The following AMDHD1 variants were observed in gnomAD, a reference collection of about 807,000 sequenced individuals.
AMDHD1 encodes amidohydrolase domain containing 1, also known as probable imidazolonepropionase.
In AMDHD1, 45 loss-of-function variants were observed where a neutral mutation model predicts 44.1. The observed-to-expected ratio is 1.02, with a 90% CI of 0.80 to 1.31. AMDHD1 has a LOEUF of 1.31. Among genes scored for constraint, AMDHD1 ranks in the 50% most tolerant of loss-of-function variants. The pLI is 0.00. For synonymous variants in AMDHD1, 206 were observed against 205.0 expected (o/e 1.00, Z -0.04); for missense variants, 586 against 552.1 (o/e 1.06, Z -0.61).
chr12:95,958,318 T>C (rs1336892970), intron 4 of AMDHD1, among the ~76,000 whole-genome samples: 1 of 152,144 alleles, frequency 6.6e-6, no homozygotes, highest in Non-Finnish European at 1.5e-5. Flanking sequence ...TAACTTCATG[T>C]TATCTTCAAT....
In AMDHD1 at chr12:95,965,156, G is replaced by C. The variant is rs1468850687; in HGVS notation, c.939-530G>C. On this transcript the variant is annotated intron_variant, in intron 6 of 8. Coordinates refer to ENST00000266736, the MANE Select transcript of AMDHD1 (RefSeq NM_152435.3). ...TCTACTAAAAATATAAAAATTACCT[G>C]GGCGTGGTGGTGGGTGCCTGTAGTC... Among the ~76,000 whole-genome samples, 3 of 151,822 alleles carry C rather than the reference G, an allele frequency of 2.0e-5. No homozygotes were observed. In the East Asian group the frequency reaches 5.8e-4, roughly 29 times the overall value.
intron 4 of AMDHD1, among the ~76,000 whole-genome samples, chr12:95,959,749 A>G (rs1393944609): frequency 6.8e-6 from 1 of 146,354 alleles, no homozygotes; most frequent in Admixed American, 6.9e-5. Context: ...CAGGGGGAGT[A>G]TCCAGGATGC....
At position 95,960,526 on chromosome 12, in the gene AMDHD1, A is replaced by C. The variant is rs1038430859; in HGVS notation, c.716A>C (p.Asp239Ala). 1.9e-6 allele frequency: 3 copies of C among 1,614,234 alleles called. No homozygotes were observed. In the East Asian group the frequency reaches 6.7e-5, roughly 36 times the overall value. Residue 239 changes from aspartate (D) to alanine (A), a missense_variant, in exon 5 of 9, where the codon GAT (aspartate) becomes GCT (alanine). Asp to Ala is a moderately radical substitution (Grantham distance 126). Transcript: ENST00000266736. ...GTATTTTGTGAGAAAGGTGTCTTTG[A>C]TCTCGATTCCACCAGAAGGATTCTT... Reference protein sequence around the residue: ...IDVFCEKGVFDLDSTRRILQR... With the variant: ...IDVFCEKGVFALDSTRRILQR...
chr12:95,955,903 T>G (rs1288260064), intron 3 of AMDHD1, among the ~76,000 whole-genome samples: 1 of 152,098 alleles, frequency 6.6e-6, no homozygotes, highest in African/African-American at 2.4e-5. Flanking sequence ...GGCCAAATAT[T>G]GAGACAAGGA....
At chr12:95,966,987 AT>A (rs2080614382) in intron 8 of AMDHD1, among the ~76,000 whole-genome samples, 3 of 152,344 alleles carry the variant, frequency 2.0e-5, no homozygotes, top group African/African-American at 7.2e-5. Flanking sequence ...CTCCAGTGTA[AT>A]ATTAGTCTGT....
chr12:95,943,468 C>G lies in AMDHD1; in HGVS notation c.70C>G (p.Arg24Gly), dbSNP rs921468506. ...QVVLVCARGE[R>G]FLARDALRSL... Reference sequence around the variant, plus strand: ...GGTGCTGGTGTGCGCCCGCGGCGAGCGCTTCCTGGCGCGGGATGCGCTGCG... The same window carrying G: ...GGTGCTGGTGTGCGCCCGCGGCGAGGGCTTCCTGGCGCGGGATGCGCTGCG... The change falls in exon 1 of 9, where the codon CGC (arginine) becomes GGC (glycine). Residue 24 changes from arginine to glycine, a missense_variant. Transcript: ENST00000266736. 5.3e-5 allele frequency: 80 copies of G among 1,503,838 alleles called. No individual in the cohort carries two copies. The highest frequency in any genetic ancestry group is 6.5e-5 in the Non-Finnish European group (73 of 1,131,082). The allele number at this position is 1,503,838 out of a possible 1,614,324, so 93.2% of individuals were successfully genotyped here. A position where few individuals can be genotyped will look rare whatever the true frequency, so the allele number is the denominator to read the frequency against.
intron 1 of AMDHD1, among the ~76,000 whole-genome samples, chr12:95,945,513 T>C (rs113683658): frequency 1.5e-3 from 235 of 152,350 alleles, no homozygotes; most frequent in African/African-American, 5.3e-3. Context: ...CTTTGAAATA[T>C]ATCTCCCACC....
intron 1 of AMDHD1, among the ~76,000 whole-genome samples, chr12:95,944,183 G>T (rs1016150292): frequency 8.5e-5 from 13 of 152,106 alleles, no homozygotes; most frequent in Admixed American, 2.6e-4. Context: ...AGCAAGGGAA[G>T]TTGGATGAGA....
chr12:95,951,792 A>G (rs1456442883), intron 1 of AMDHD1, among the ~76,000 whole-genome samples: 1 of 152,050 alleles, frequency 6.6e-6, no homozygotes, highest in Non-Finnish European at 1.5e-5. Context: ...GGGTAAGATG[A>G]TCTCTCATTG....
intron 6 of AMDHD1, among the ~76,000 whole-genome samples, chr12:95,963,119 A>C (rs936033828): frequency 2.0e-5 from 3 of 152,192 alleles, no homozygotes; most frequent in Non-Finnish European, 4.4e-5. Context: ...TATGATATCC[A>C]AGATTGTGGT....
chr12:95,943,495 A>G lies in AMDHD1; in HGVS notation c.97A>G (p.Ser33Gly). The G allele has an allele frequency of 6.7e-7, 1 of 1,498,576 alleles. No individual in the cohort carries two copies. The allele number at this position is 1,498,576 out of a possible 1,614,324, so 92.8% of individuals were successfully genotyped here. Residue 33 changes from serine to glycine, a missense_variant, in exon 1 of 9, where the codon AGC becomes GGC. By Grantham distance (56) the Ser-to-Gly change is moderately conservative. Coordinates refer to ENST00000266736, the MANE Select transcript of AMDHD1 (RefSeq NM_152435.3). ...ERFLARDALR[S>G]LAVLEGASLV... ...CTTCCTGGCGCGGGATGCGCTGCGCAGCCTGGCGGTGCTGGAAGGCGCCAG... is the reference window on the plus strand; with the variant it reads ...CTTCCTGGCGCGGGATGCGCTGCGCGGCCTGGCGGTGCTGGAAGGCGCCAG...
At chr12:95,965,928 A>C in intron 7 of AMDHD1, 149 bp downstream of exon 7, 1 of 585,320 alleles carries the variant, frequency 1.7e-6, no homozygotes, top group Non-Finnish European at 2.8e-6. Flanking sequence ...ACAGCAGTGT[A>C]ATTGGATTTT....
At chr12:95,964,426 T>C (rs759539886) in intron 6 of AMDHD1, among the ~76,000 whole-genome samples, 11 of 152,210 alleles carry the variant, frequency 7.2e-5, no homozygotes, top group Non-Finnish European at 1.6e-4. Flanking sequence ...TATTTAAATG[T>C]ATTCAGGAAA....
chr12:95,962,138 C>CGGT (rs2080585366), intron 5 of AMDHD1, among the ~76,000 whole-genome samples: 1 of 152,174 alleles, frequency 6.6e-6, no homozygotes, highest in Non-Finnish European at 1.5e-5. Flanking sequence ...TGGTGGCACA[C>CGGT]GCCTGTGGCC....
chr12:95,966,524 C>CT lies in AMDHD1; in HGVS notation c.1193+18dup. 1 of 1,613,970 alleles carries CT rather than the reference C, an allele frequency of 6.2e-7. No homozygotes were observed. The highest frequency in any genetic ancestry group is 8.5e-7 in the Non-Finnish European group (1 of 1,179,982). Reference sequence around the variant, plus strand: ...ATTCATCCCGGTGAGTGTGCTTCAACTTAGCTCTTTTATATTATGCCCACT... The same window carrying CT: ...ATTCATCCCGGTGAGTGTGCTTCAACTTTAGCTCTTTTATATTATGCCCACT... On this transcript the variant is annotated intron_variant, in intron 8 of 8. Transcript: ENST00000266736.
chr12:95,956,899 G>A lies in AMDHD1; in HGVS notation c.524G>A (p.Arg175His), dbSNP rs1178699284. Residue 175 changes from arginine (R) to histidine (H), a missense_variant, in exon 4 of 9, where the codon CGC (arginine) becomes CAC (histidine). Transcript: ENST00000266736. ...CTCAAGATGCTGCGCGTGATTGAGC[G>A]CGCCCGGCGGGAGCTGGACATCGGC... is the stretch of plus-strand genomic sequence containing the variant. Reference protein sequence around the residue: ...TELKMLRVIERARRELDIGIS... With the variant: ...TELKMLRVIEHARRELDIGIS... The A allele has an allele frequency of 2.5e-6, 4 of 1,613,444 alleles. No homozygotes were observed. The highest frequency in any genetic ancestry group is 3.4e-6 in the Non-Finnish European group (4 of 1,180,006).
intron 1 of AMDHD1, among the ~76,000 whole-genome samples, chr12:95,950,007 G>A (rs746564492): frequency 4.3e-4 from 65 of 152,170 alleles, no homozygotes; most frequent in Non-Finnish European, 9.0e-4. Context: ...CTGCACAGAC[G>A]GAGAATGTTA....
rs2080586869 is a variant in AMDHD1, at chr12:95,962,388, C to T, written c.847C>T (p.His283Tyr). The T allele has an allele frequency of 1.2e-6, 2 of 1,613,866 alleles. No homozygotes were observed. Among genetic ancestry groups the T allele is most frequent in the Admixed American group, 1.7e-5 (1 of 59,986 alleles). ...TGAACTGGGAGCGCAGGCAATCAGCCACCTGGAAGAAGTGAGTGATGAAGG... is the reference window on the plus strand; with the variant it reads ...TGAACTGGGAGCGCAGGCAATCAGCTACCTGGAAGAAGTGAGTGATGAAGG... ...GAELGAQAIS[H>Y]LEEVSDEGIV... Residue 283 changes from histidine to tyrosine, a missense_variant, in exon 6 of 9, where the codon CAC becomes TAC. His to Tyr is a moderately conservative substitution (Grantham distance 83). Coordinates refer to ENST00000266736, the MANE Select transcript of AMDHD1 (RefSeq NM_152435.3).
chr12:95,943,636 C>T, intron 1 of AMDHD1, 101 bp downstream of exon 1: 1 of 1,348,110 alleles, frequency 7.4e-7, no homozygotes, highest in Non-Finnish European at 9.5e-7. Context: ...TGAAAGCGTC[C>T]CTGCACAGAG....
Sources: gnomAD v4.1 joint callset for allele counts (sites outside exome capture counted in the v4.1 genomes callset) on GRCh38, gnomAD v4.1.1 for gene constraint, MANE v1.5 for transcripts, NCBI Gene and HGNC (gene_info 2026-07-23, HGNC 2026-07-21) for gene names.